NEK2: variants seen among roughly 807,000 people sequenced by gnomAD.
NEK2 encodes the protein NIMA related kinase 2.
NEK2 carries 28 observed loss-of-function variants against 54.1 expected under a neutral mutation model. That is an observed-to-expected ratio of 0.52 (90% CI 0.38 to 0.71). NEK2 has a LOEUF of 0.71. NEK2 is among the 30% of genes least tolerant of loss of function. The probability of loss-of-function intolerance (pLI) is 0.00; values close to 1 mark genes in which losing one functional copy is unlikely to be tolerated. For synonymous variants in NEK2, 176 were observed against 193.1 expected, an observed-to-expected ratio of 0.91 and a Z score of 0.73; for missense variants, 407 against 531.5, an observed-to-expected ratio of 0.77 and a Z score of 2.30.
In NEK2 at chr1:211,669,135, T is replaced by C. The variant is rs532086853; in HGVS notation, c.963A>G (p.Lys321=). ...TACGCTCCAATCTTTCTTCTCTTGC[T>C]TTGAGAGCTCGCTCTCGCTCCTGTA... ...IQLQERERAL[K]AREERLEQKE... The change falls in exon 6 of 8, where the codon AAA becomes AAG. Residue 321 remains lysine, a synonymous_variant. Transcript: ENST00000366999. 1.9e-6 allele frequency: 3 copies of C among 1,613,964 alleles called. No homozygotes were observed. Among genetic ancestry groups the C allele is most frequent in the Admixed American group, 3.3e-5 (2 of 60,026 alleles).
chr1:211,672,074 T>C (rs1221792732), intron 3 of NEK2, among the ~76,000 whole-genome samples: 2 of 152,222 alleles, frequency 1.3e-5, no homozygotes, highest in Non-Finnish European at 2.9e-5. Context: ...AAAACCAAAA[T>C]CATTAATTTA....
intron 7 of NEK2, chr1:211,666,694 G>A (rs1203488161): frequency 7.5e-6 from 2 of 265,164 alleles, no homozygotes; most frequent in Non-Finnish European, 1.2e-5. Flanking sequence ...AGCTACTTGG[G>A]AGGCTGAGGC....
chr1:211,672,627 AAAAC>A (rs1655433659), intron 3 of NEK2, among the ~76,000 whole-genome samples: 1 of 151,868 alleles, frequency 6.6e-6, no homozygotes, highest in Admixed American at 6.5e-5. Context: ...AAAAAAAAAA[AAAAC>A]AGAGTTCAAG....
intron 2 of NEK2, among the ~76,000 whole-genome samples, chr1:211,674,010 C>A (rs911511243): frequency 2.0e-4 from 30 of 152,050 alleles, no homozygotes; most frequent in African/African-American, 7.2e-4. Flanking sequence ...GAAACAGGGT[C>A]CCACTATGTT....
At chr1:211,661,045 T>C (rs1655006327), downstream of NEK2, 1 of 739,266 alleles carries the variant, frequency 1.4e-6, no homozygotes, top group South Asian at 1.4e-5. Flanking sequence ...CTCCACCAGC[T>C]CCCGGAATGC....
At chr1:211,665,581 T>C (rs1482569302) in intron 7 of NEK2, among the ~76,000 whole-genome samples, 2 of 152,196 alleles carry the variant, frequency 1.3e-5, no homozygotes, top group African/African-American at 2.4e-5. Flanking sequence ...CCTCATTTTA[T>C]CACCCTAATC....
chr1:211,672,882 C>T (rs1288585576), intron 3 of NEK2, among the ~76,000 whole-genome samples: 1 of 152,000 alleles, frequency 6.6e-6, no homozygotes, highest in East Asian at 1.9e-4. Context: ...CATGAATGCT[C>T]AAAAAATTGA....
intron 1 of NEK2, 152 bp downstream of exon 1, chr1:211,675,232 A>C: frequency 1.4e-6 from 1 of 700,724 alleles, no homozygotes; most frequent in Non-Finnish European, 2.6e-6. Context: ...GCCACCCAGG[A>C]CAGGCTGTCA....
chr1:211,667,849 C>G (rs1655227816), intron 6 of NEK2, among the ~76,000 whole-genome samples: 1 of 152,052 alleles, frequency 6.6e-6, no homozygotes, highest in South Asian at 2.1e-4. Context: ...AGTTCAAGAC[C>G]AGCCAGGTCA....
downstream of NEK2, chr1:211,661,048 C>T (rs375427765): frequency 1.7e-4 from 129 of 739,504 alleles, 1 homozygote; most frequent in East Asian, 1.8e-3. Context: ...CACCAGCTCC[C>T]GGAATGCTAA....
At chr1:211,662,411 A>G (rs1655038779), downstream of NEK2, among the ~76,000 whole-genome samples, 1 of 152,208 alleles carries the variant, frequency 6.6e-6, no homozygotes, top group Non-Finnish European at 1.5e-5. This position sits in a 1 kb window ranked among gnomAD's most constrained non-coding sequence, Gnocchi z 4.2. Context: ...ATTCAGGATT[A>G]TGATCCAAAC....
At chr1:211,669,648 G>A (rs190669816) in intron 5 of NEK2, 55 of 325,660 alleles carry the variant, frequency 1.7e-4, no homozygotes, top group African/African-American at 1.2e-3. Context: ...CTGTTTTAGG[G>A]GAAGTACTGC....
chr1:211,666,988 A>G (rs541077203), intron 7 of NEK2, 118 bp downstream of exon 7: 346 of 1,525,898 alleles, frequency 2.3e-4, no homozygotes, highest in Admixed American at 4.3e-4. Context: ...AATGAAATCC[A>G]TCTTAAAATT....
At chr1:211,658,719 C>CAAAAAAAAAAAAAAAAAAAACAA (rs1654939958), downstream of NEK2, 1 of 37,106 alleles carries the variant, frequency 2.7e-5, no homozygotes, top group Non-Finnish European at 4.5e-5. Flanking sequence ...GACTCTATCT[C>CAAAAAAAAAAAAAAAAAAAACAA]AAAAAAAAAA....
downstream of NEK2, among the ~76,000 whole-genome samples, chr1:211,659,866 G>A (rs1654972043): frequency 7.7e-6 from 1 of 130,256 alleles, no homozygotes; most frequent in Non-Finnish European, 1.5e-5. Flanking sequence ...CTGTCTCCCA[G>A]GCTGGAGTAC....
rs984864892 is a variant in NEK2 at position 211,663,210 on chromosome 1, TATA to T, written c.*213_*215del. ...AGCCCAACCAAGAAAGTATTCTTTT[TATA>T]ATATGTTCTTAAAAGAAGAAAGAAA... On this transcript the variant is annotated 3_prime_UTR_variant, in exon 8 of 8. Transcript: ENST00000366999. The T allele has an allele frequency of 5.9e-5, 78 of 1,327,852 alleles. No individual in the cohort carries two copies. The African/African-American group carries it at 1.1e-3, about 19-fold the overall frequency. The allele number at this position is 1,327,852 out of a possible 1,614,324, so 82.3% of individuals were successfully genotyped here.
rs893246715 is a variant in NEK2 at position 211,666,498 on chromosome 1, T to TA, written c.1111+607dup. The TA allele has an allele frequency of 1.2e-5, 12 of 980,440 alleles. No homozygotes were observed. In the African/African-American group the frequency reaches 2.1e-4, roughly 17 times the overall value. The allele number at this position is 980,440 out of a possible 1,614,324, so 60.7% of individuals were successfully genotyped here. A position where few individuals can be genotyped will look rare whatever the true frequency, so the allele number is the denominator to read the frequency against. On this transcript the variant is annotated intron_variant, in intron 7 of 7. Transcript: ENST00000366999. Reference sequence around the variant, plus strand: ...ACATACAATAGTTTTGTAAATGCCCTAATTTTTAAAAATAAGTATCGGCTG... The same window carrying TA: ...ACATACAATAGTTTTGTAAATGCCCTAAATTTTTAAAAATAAGTATCGGCTG...
chr1:211,663,109 C>A lies in NEK2; in HGVS notation c.*317G>T. ...ACTCTTCCTGCATAAATATTTTTTT[C>A]CTAACATTATTTTTTCTCCCAAGAT... On this transcript the variant is annotated 3_prime_UTR_variant, in exon 8 of 8. Transcript: ENST00000366999. 1 of 1,075,058 alleles carries A rather than the reference C, an allele frequency of 9.3e-7. No homozygotes were observed. The highest frequency in any genetic ancestry group is 1.1e-6 in the Non-Finnish European group (1 of 885,438). 66.6% of individuals were successfully genotyped at this position (1,075,058 alleles called of 1,614,324 possible).
chr1:211,667,091 A>G lies in NEK2; in HGVS notation c.1111+15T>C. On this transcript the variant is annotated intron_variant, in intron 7 of 7. Coordinates refer to ENST00000366999, the MANE Select transcript of NEK2 (RefSeq NM_002497.4). ...TTGTAGCACCAGCTTCTGTTGACCA[A>G]GTTGATTCTCATACCTGGATTACTT... 1 of 1,613,544 alleles carries G rather than the reference A, an allele frequency of 6.2e-7. No homozygotes were observed. The highest frequency in any genetic ancestry group is 8.5e-7 in the Non-Finnish European group (1 of 1,179,920).
Sources: allele counts gnomAD v4.1 joint callset (sites outside exome capture counted in the v4.1 genomes callset), GRCh38; gene constraint gnomAD v4.1.1; non-coding constraint Gnocchi (gnomAD v3.1); transcripts MANE v1.5; gene names NCBI Gene and HGNC (gene_info 2026-07-23, HGNC 2026-07-21).